The following RBFOX1 variants were observed in gnomAD, a reference collection of about 807,000 sequenced individuals.
RBFOX1 encodes RNA binding fox-1 homolog 1, also known as RNA binding protein fox-1 homolog 1.
RBFOX1 carries 8 observed loss-of-function variants against 57.7 expected under a neutral mutation model. The observed-to-expected ratio is 0.14, with a 90% CI of 0.08 to 0.25. The LOEUF (loss-of-function observed/expected upper bound fraction) is 0.25, where lower values mean the gene tolerates loss of function less well. Ranked by LOEUF, RBFOX1 falls within the 10% of genes least tolerant of loss-of-function variation. The probability of loss-of-function intolerance (pLI) is 1.00; values close to 1 mark genes in which losing one functional copy is unlikely to be tolerated. For missense variants in RBFOX1, 611 were observed against 548.5 expected (o/e 1.11, Z -1.14); for synonymous variants, 326 against 222.4 (o/e 1.47, Z -4.15).
intron 5 of RBFOX1, among the ~76,000 whole-genome samples, chr16:7,527,462 T>G (rs899154644): frequency 6.6e-6 from 1 of 152,146 alleles, no homozygotes; most frequent in Non-Finnish European, 1.5e-5. Context: ...TGTTTGACGT[T>G]CTTTTTTGGA....
At chr16:7,373,896 C>T (rs1023706767) in intron 4 of RBFOX1, among the ~76,000 whole-genome samples, 1 of 152,168 alleles carries the variant, frequency 6.6e-6, no homozygotes, top group Non-Finnish European at 1.5e-5. Flanking sequence ...TCATTCCACT[C>T]AAATCTTAGC....
chr16:7,070,069 A>C (rs952554537), intron 4 of RBFOX1, among the ~76,000 whole-genome samples: 3 of 152,140 alleles, frequency 2.0e-5, no homozygotes, highest in African/African-American at 4.8e-5. Context: ...TGCACAGTAC[A>C]TCACTGCTGT....
intron 2 of RBFOX1, among the ~76,000 whole-genome samples, chr16:6,565,443 G>C (rs1210159136): frequency 6.6e-6 from 1 of 151,658 alleles, no homozygotes; most frequent in Non-Finnish European, 1.5e-5. Context: ...ATTTTTAGTA[G>C]AGATGGGGTT....
intron 3 of RBFOX1, among the ~76,000 whole-genome samples, chr16:6,669,568 A>G (rs753783147): frequency 3.9e-5 from 6 of 152,210 alleles, no homozygotes; most frequent in Non-Finnish European, 5.9e-5. Flanking sequence ...CATATACATT[A>G]TGAAAAAGTC....
chr16:7,623,928 C>G (rs1328870225), intron 10 of RBFOX1, among the ~76,000 whole-genome samples: 1 of 152,158 alleles, frequency 6.6e-6, no homozygotes, highest in Non-Finnish European at 1.5e-5. Flanking sequence ...TTAAAGATCT[C>G]TCTGCAAGTA....
chr16:5,976,916 G>T (rs2060074857), intron 4 of RBFOX1, among the ~76,000 whole-genome samples: 2 of 152,156 alleles, frequency 1.3e-5, no homozygotes, highest in African/African-American at 4.8e-5. Context: ...CAAATTAGAT[G>T]TGGAACAACG....
chr16:5,695,740 G>A (rs1236939099), intron 3 of RBFOX1, among the ~76,000 whole-genome samples: 1 of 152,192 alleles, frequency 6.6e-6, no homozygotes, highest in East Asian at 1.9e-4. Context: ...CTAGTGGACA[G>A]CACAGGACTT....
intron 4 of RBFOX1, among the ~76,000 whole-genome samples, chr16:7,313,815 A>G (rs888671579): frequency 2.6e-5 from 4 of 152,142 alleles, no homozygotes; most frequent in Non-Finnish European, 5.9e-5. Flanking sequence ...CTTTTGCCCC[A>G]GAACCGACAC....
intron 9 of RBFOX1, among the ~76,000 whole-genome samples, chr16:7,604,244 T>A (rs1460185670): frequency 6.6e-6 from 1 of 152,126 alleles, no homozygotes; most frequent in African/African-American, 2.4e-5. Context: ...GGGTTTTCAT[T>A]CCCATCGCAG....
chr16:7,158,413 G>C (rs900994307), intron 4 of RBFOX1, among the ~76,000 whole-genome samples: 2 of 152,180 alleles, frequency 1.3e-5, no homozygotes, highest in Non-Finnish European at 2.9e-5. Flanking sequence ...GATGTAGAAA[G>C]ATATACTGGT....
intron 4 of RBFOX1, among the ~76,000 whole-genome samples, chr16:7,233,657 C>G (rs551034477): frequency 3.3e-5 from 5 of 152,310 alleles, no homozygotes; most frequent in Admixed American, 2.0e-4. Flanking sequence ...GCTGCCCTTT[C>G]AACAAGAAAT....
chr16:5,723,680 T>G (rs77012936), intron 3 of RBFOX1, among the ~76,000 whole-genome samples: 37 of 134,208 alleles, frequency 2.8e-4, no homozygotes, highest in East Asian at 1.1e-3. Context: ...CCCACAGGAA[T>G]CTGTGGATTA....
At chr16:6,815,153 T>C (rs113799449) in intron 3 of RBFOX1, among the ~76,000 whole-genome samples, 530 of 152,288 alleles carry the variant, frequency 3.5e-3, no homozygotes, top group Non-Finnish European at 6.0e-3. Flanking sequence ...ATTTGTAAAC[T>C]GTCATGGCGC....
chr16:7,353,145 C>A (rs749529917), intron 4 of RBFOX1, among the ~76,000 whole-genome samples: 1 of 152,146 alleles, frequency 6.6e-6, no homozygotes, highest in African/African-American at 2.4e-5. Flanking sequence ...CTAATATTTT[C>A]TTTGAATGGA....
chr16:6,249,821 A>G (rs1232675325), intron 1 of RBFOX1, among the ~76,000 whole-genome samples: 2 of 150,726 alleles, frequency 1.3e-5, no homozygotes, highest in South Asian at 2.1e-4. Context: ...CGTGTGCACA[A>G]TGTGCAGGTT....
chr16:7,291,854 C>G (rs1351702707), intron 4 of RBFOX1, among the ~76,000 whole-genome samples: 1 of 148,026 alleles, frequency 6.8e-6, no homozygotes, highest in Non-Finnish European at 1.5e-5. Context: ...TAAAGAGTAT[C>G]ATAGCCATTA....
intron 4 of RBFOX1, among the ~76,000 whole-genome samples, chr16:7,517,175 G>T (rs893746805): frequency 6.6e-6 from 1 of 150,844 alleles, no homozygotes; most frequent in African/African-American, 2.4e-5. Flanking sequence ...GTGTGTGTGT[G>T]TGTGTGTGTG....
intron 1 of RBFOX1, among the ~76,000 whole-genome samples, chr16:5,432,240 C>T (rs940179739): frequency 2.0e-5 from 3 of 152,084 alleles, no homozygotes; most frequent in Admixed American, 6.5e-5. Context: ...AGAATCAAAT[C>T]GGCCTGTAAA....
chr16:6,638,818 C>G lies in RBFOX1; in HGVS notation c.-63-15785C>G, dbSNP rs142869890. Among the ~76,000 whole-genome samples the G allele has an allele frequency of 5.2e-3, 793 of 152,256 alleles. 5 individuals carry two copies. The highest frequency in any genetic ancestry group is 0.018 in the African/African-American group (755 of 41,544). The stretch of plus-strand genomic sequence containing the variant: ...TTTGGGTGATGGCCACCATTTTGGT[C>G]TTGTCAGTTACTTAAGGCTGTAGAC... On this transcript the variant is annotated intron_variant, in intron 2 of 15. Coordinates refer to ENST00000550418, the MANE Select transcript of RBFOX1 (RefSeq NM_018723.4).
Sources: gnomAD v4.1 joint callset for allele counts (sites outside exome capture counted in the v4.1 genomes callset) on GRCh38, gnomAD v4.1.1 for gene constraint, MANE v1.5 for transcripts, NCBI Gene and HGNC (gene_info 2026-07-23, HGNC 2026-07-21) for gene names.